PRRX1: variants seen among roughly 807,000 people sequenced by gnomAD.
The protein encoded by PRRX1 is paired mesoderm homeobox protein 1.
PRRX1 carries 8 observed loss-of-function variants against 24.0 expected under a neutral mutation model. That is an observed-to-expected ratio of 0.33 (90% confidence interval 0.20 to 0.60). PRRX1 has a LOEUF of 0.60. Ranked by LOEUF, PRRX1 falls within the 20% of genes least tolerant of loss-of-function variation. The probability of loss-of-function intolerance (pLI) is 0.82; values close to 1 mark genes in which losing one functional copy is unlikely to be tolerated. For missense variants in PRRX1, 281 were observed against 322.4 expected (o/e 0.87, Z 0.98); for synonymous variants, 160 against 131.7 (o/e 1.22, Z -1.47).
chr1:170,706,608 A>T (rs1209555119), intron 1 of PRRX1, among the ~76,000 whole-genome samples: 1 of 152,170 alleles, frequency 6.6e-6, no homozygotes, highest in Non-Finnish European at 1.5e-5. Context: ...CTATGAAAAA[A>T]CTTTACTAAC....
At chr1:170,713,469 G>A (rs1654809652) in intron 1 of PRRX1, among the ~76,000 whole-genome samples, 2 of 152,178 alleles carry the variant, frequency 1.3e-5, no homozygotes, top group Admixed American at 6.5e-5. Flanking sequence ...CTATAGAAAA[G>A]TATTTGTTCT....
At chr1:170,707,569 T>G (rs1394769374) in intron 1 of PRRX1, among the ~76,000 whole-genome samples, 1 of 152,208 alleles carries the variant, frequency 6.6e-6, no homozygotes, top group Non-Finnish European at 1.5e-5. Context: ...CAGTATATGT[T>G]TTCTATAAGA....
chr1:170,734,384 A>G (rs1655539821), intron 3 of PRRX1, among the ~76,000 whole-genome samples: 1 of 152,074 alleles, frequency 6.6e-6, no homozygotes, highest in African/African-American at 2.4e-5. Flanking sequence ...TTTCTACCTG[A>G]GGAAACAGTT....
chr1:170,723,302 A>G (rs1328146740), intron 2 of PRRX1, among the ~76,000 whole-genome samples: 1 of 151,660 alleles, frequency 6.6e-6, no homozygotes, highest in Non-Finnish European at 1.5e-5. Context: ...TGGCCCCTCG[A>G]GCTGTACAAC....
chr1:170,734,192 C>G (rs1655529913), intron 3 of PRRX1, among the ~76,000 whole-genome samples: 1 of 151,348 alleles, frequency 6.6e-6, no homozygotes, highest in South Asian at 2.1e-4. Context: ...CAGTAAGGAC[C>G]AGTTCCTATG....
At chr1:170,666,190 G>C (rs1160213044) in intron 1 of PRRX1, among the ~76,000 whole-genome samples, 2 of 152,138 alleles carry the variant, frequency 1.3e-5, no homozygotes, top group Non-Finnish European at 2.9e-5. Flanking sequence ...GGAGGCCGAG[G>C]CGGGCAGATC....
chr1:170,709,214 T>A (rs1654667892), intron 1 of PRRX1, among the ~76,000 whole-genome samples: 1 of 152,120 alleles, frequency 6.6e-6, no homozygotes, highest in African/African-American at 2.4e-5. Context: ...TGGTTGTTGA[T>A]CACAGAAGGT....
intron 1 of PRRX1, among the ~76,000 whole-genome samples, chr1:170,697,541 GC>G (rs2101902193): frequency 6.6e-6 from 1 of 151,258 alleles, no homozygotes; most frequent in East Asian, 1.9e-4. Flanking sequence ...TCTAATCTTT[GC>G]ATTATTCAAA....
chr1:170,683,139 C>T lies in PRRX1; in HGVS notation c.241+18680C>T, dbSNP rs553177408. ...TGGGAAGCCAGGGAGACATTGAAAC[C>T]GGAGAGTTTTGTAATGTGATTTATG... On this transcript the variant is annotated intron_variant, in intron 1 of 3. Coordinates refer to ENST00000239461, the MANE Select transcript of PRRX1 (RefSeq NM_022716.4). Among the ~76,000 whole-genome samples, 17 of 152,254 alleles carry T rather than the reference C, an allele frequency of 1.1e-4. No homozygotes were observed. The East Asian group carries it at 2.7e-3, about 24-fold the overall frequency.
chr1:170,663,946 C>A (rs1652813699), upstream of PRRX1: 6 of 471,576 alleles, frequency 1.3e-5, 1 homozygote, highest in South Asian at 3.9e-5. Flanking sequence ...CTCTTTGGAC[C>A]GCGCCGGACT....
intron 1 of PRRX1, among the ~76,000 whole-genome samples, chr1:170,719,051 G>A (rs1430828514): frequency 6.6e-6 from 1 of 152,184 alleles, no homozygotes; most frequent in East Asian, 1.9e-4. Flanking sequence ...GGTTCTCAGG[G>A]AGTGAGCCCC....
chr1:170,680,768 T>G (rs1192691006), intron 1 of PRRX1, among the ~76,000 whole-genome samples: 5 of 152,150 alleles, frequency 3.3e-5, no homozygotes, highest in Non-Finnish European at 5.9e-5. Context: ...GAGTTTTCCT[T>G]TTGGAGGAAC....
At chr1:170,716,507 C>T (rs1050956050) in intron 1 of PRRX1, among the ~76,000 whole-genome samples, 2 of 151,856 alleles carry the variant, frequency 1.3e-5, no homozygotes, top group African/African-American at 4.8e-5. Flanking sequence ...TGGTGTGAAC[C>T]CAGGAGGCGG....
chr1:170,690,834 T>G (rs901497535), intron 1 of PRRX1, among the ~76,000 whole-genome samples: 5 of 152,060 alleles, frequency 3.3e-5, no homozygotes, highest in Non-Finnish European at 7.4e-5. Flanking sequence ...GATGGATATT[T>G]CAGAAAATGT....
rs1386121875 is a variant in PRRX1, at chr1:170,739,122, G to T, written c.*2936G>T. On this transcript the variant is annotated 3_prime_UTR_variant, in exon 4 of 4. Coordinates refer to ENST00000239461, the MANE Select transcript of PRRX1 (RefSeq NM_022716.4). The stretch of plus-strand genomic sequence containing the variant: ...GCTGCAAATGTCAAGACATAACCCT[G>T]TTCCTCACCATCATGATACCAGATA... The T allele has an allele frequency of 1.4e-5, 3 of 213,130 alleles. No individual in the cohort carries two copies. The highest frequency in any genetic ancestry group is 2.9e-5 in the Non-Finnish European group (3 of 105,146). 13.2% of individuals were successfully genotyped at this position (213,130 alleles called of 1,614,324 possible).
chr1:170,671,483 G>C (rs73034968), intron 1 of PRRX1, among the ~76,000 whole-genome samples: 2,566 of 152,312 alleles, frequency 0.017, 66 homozygotes, highest in African/African-American at 0.054. Context: ...GTAAATTAGC[G>C]GCGAGCCTCG....
At position 170,689,814 on chromosome 1, in the gene PRRX1, G is replaced by GTCTCTC. The variant is rs1174654159; in HGVS notation, c.241+25374_241+25379dup. 7.4e-5 allele frequency among the ~76,000 whole-genome samples: 8 copies of GTCTCTC among 108,062 alleles called. No individual in the cohort carries two copies. The East Asian group carries it at 1.6e-3, about 21-fold the overall frequency. The allele number at this position is 108,062 out of a possible 152,430, so 70.9% of individuals were successfully genotyped here. A position where few individuals can be genotyped will look rare whatever the true frequency, so the allele number is the denominator to read the frequency against. ...CCGAACTGATGAGATTTAATATTCCGTCTCTCTCTCTCTCTCTCTCTCTCC... is the reference window on the plus strand; with the variant it reads ...CCGAACTGATGAGATTTAATATTCCGTCTCTCTCTCTCTCTCTCTCTCTCTCTCTCC... On this transcript the variant is annotated intron_variant, in intron 1 of 3. Transcript: ENST00000239461.
At chr1:170,687,917 T>C (rs1029361260) in intron 1 of PRRX1, among the ~76,000 whole-genome samples, 2 of 152,000 alleles carry the variant, frequency 1.3e-5, no homozygotes, top group Non-Finnish European at 2.9e-5. Flanking sequence ...ATACTTCTAC[T>C]CAATTCAAAA....
At position 170,694,320 on chromosome 1, in the gene PRRX1, G is replaced by A. The variant is rs1001179818; in HGVS notation, c.242-25406G>A. The stretch of plus-strand genomic sequence containing the variant: ...TCAAACCAAACCTATTCTGGGAGCC[G>A]AAATTCCTTCTCCAGTATTCCTGGC... On this transcript the variant is annotated intron_variant, in intron 1 of 3. Transcript: ENST00000239461. 1.4e-4 allele frequency among the ~76,000 whole-genome samples: 21 copies of A among 152,194 alleles called. No homozygotes were observed. The East Asian group carries it at 3.3e-3, about 24-fold the overall frequency.
Sources: gnomAD v4.1 joint callset for allele counts (sites outside exome capture counted in the v4.1 genomes callset) on GRCh38, gnomAD v4.1.1 for gene constraint, MANE v1.5 for transcripts, NCBI Gene and HGNC (gene_info 2026-07-23, HGNC 2026-07-21) for gene names.